Variants in CENPL observed in about 807,000 individuals in gnomAD.
The protein encoded by CENPL is centromere protein L.
Under a neutral mutation model 35.2 loss-of-function variants are expected in CENPL, and 20 were observed. The observed-to-expected ratio is 0.57, with a 90% CI of 0.40 to 0.83. CENPL has a LOEUF of 0.83. CENPL is among the 40% of genes least tolerant of loss of function. The probability of loss-of-function intolerance (pLI) is 0.00; values close to 1 mark genes in which losing one functional copy is unlikely to be tolerated. For synonymous variants in CENPL, 140 were observed against 140.6 expected, an observed-to-expected ratio of 1.00 and a Z score of 0.03; for missense variants, 363 against 395.8, an observed-to-expected ratio of 0.92 and a Z score of 0.70.
intron 2 of CENPL, among the ~76,000 whole-genome samples, chr1:173,816,641 C>G (rs183416477): frequency 2.8e-3 from 421 of 152,278 alleles, no homozygotes; most frequent in Non-Finnish European, 4.2e-3. Context: ...ATGTAGAAAG[C>G]TGAAACTGGA....
intron 2 of CENPL, among the ~76,000 whole-genome samples, chr1:173,820,812 T>A (rs1651875789): frequency 6.6e-6 from 1 of 152,278 alleles, no homozygotes; most frequent in Non-Finnish European, 1.5e-5. Flanking sequence ...TAAAATTTCA[T>A]ACATTTAACA....
At chr1:173,803,581 C>G in intron 4 of CENPL, 76 bp from the exon 5 acceptor site, 1 of 1,330,562 alleles carries the variant, frequency 7.5e-7, no homozygotes, top group Non-Finnish European at 1.0e-6. Flanking sequence ...AAAATTAGTT[C>G]ATTAAAAATA....
chr1:173,810,649 G>A (rs764680305), intron 3 of CENPL, among the ~76,000 whole-genome samples: 12 of 152,208 alleles, frequency 7.9e-5, no homozygotes, highest in South Asian at 2.1e-4. Flanking sequence ...GGCCGGGCGC[G>A]GTGACTCATG....
chr1:173,807,179 TA>T, intron 4 of CENPL, 87 bp downstream of exon 4: 1 of 1,237,518 alleles, frequency 8.1e-7, no homozygotes, highest in South Asian at 2.8e-5. Context: ...AAAAATTTTT[TA>T]AGTTGATTAT....
chr1:173,811,386 T>A, intron 2 of CENPL, 80 bp from the exon 3 acceptor site: 1 of 947,624 alleles, frequency 1.1e-6, no homozygotes, highest in Non-Finnish European at 1.6e-6. Flanking sequence ...TTCCTCACTC[T>A]AAAGGAATCC....
chr1:173,799,641 T>C lies in CENPL; in HGVS notation c.*807A>G, dbSNP rs1264137282. ...ATATTAATGACTAAAAAAATGTGTA[T>C]ATTAATCTTTAGTTCCCTTTTGAGG... On this transcript the variant is annotated 3_prime_UTR_variant, in exon 6 of 6. Transcript: ENST00000682279. The C allele has an allele frequency of 1.3e-5, 2 of 152,236 alleles. No individual in the cohort carries two copies. Among genetic ancestry groups the C allele is most frequent in the Non-Finnish European group, 2.9e-5 (2 of 68,042 alleles). The allele number at this position is 152,236 out of a possible 1,614,324, so 9.4% of individuals were successfully genotyped here.
chr1:173,810,512 A>T (rs1650706892), intron 3 of CENPL, among the ~76,000 whole-genome samples: 1 of 152,142 alleles, frequency 6.6e-6, no homozygotes, highest in Admixed American at 6.6e-5. Context: ...TATACCCCTT[A>T]ACTTAAAATA....
rs1032513794 is a variant in CENPL at position 173,800,350 on chromosome 1, G to A, written c.*98C>T. ...GCATGGTGGGGAAAACAGATGCAGAGATAGATGCCTATTTCTCCTGCAGTC... is the reference window on the plus strand; with the variant it reads ...GCATGGTGGGGAAAACAGATGCAGAAATAGATGCCTATTTCTCCTGCAGTC... On this transcript the variant is annotated 3_prime_UTR_variant, in exon 6 of 6. Transcript: ENST00000682279. The A allele has an allele frequency of 1.7e-6, 1 of 580,300 alleles. No homozygotes were observed. The highest frequency in any genetic ancestry group is 1.9e-5 in the African/African-American group (1 of 52,918). 35.9% of individuals were successfully genotyped at this position (580,300 alleles called of 1,614,324 possible). A position where few individuals can be genotyped will look rare whatever the true frequency, so the allele number is the denominator to read the frequency against.
Position 173,824,539 on chromosome 1 carries a change from C to CG in CENPL, c.-430dup, listed in dbSNP as rs1652360744. 6.5e-6 allele frequency: 1 copy of CG among 153,646 alleles called. No homozygotes were observed. Among genetic ancestry groups the CG allele is most frequent in the South Asian group, 2.0e-4 (1 of 5,074 alleles). 9.5% of individuals were successfully genotyped at this position (153,646 alleles called of 1,614,324 possible). ...TATCGTCAACCTTTCCAATCGTGCT[C>CG]GGTTGCTCCTCAGTTTTCCTACCGG... On this transcript the variant is annotated 5_prime_UTR_variant, in exon 1 of 6. The change creates a premature stop within an existing upstream ORF in the 5' untranslated region. Transcript: ENST00000682279.
chr1:173,820,677 G>A (rs1651858382), intron 2 of CENPL, among the ~76,000 whole-genome samples: 1 of 152,124 alleles, frequency 6.6e-6, no homozygotes, highest in South Asian at 2.1e-4. Context: ...AAACAACTCA[G>A]TGGGTGAATG....
chr1:173,802,903 C>T (rs932178921), intron 5 of CENPL, 60 bp downstream of exon 5: 82 of 1,108,172 alleles, frequency 7.4e-5, no homozygotes, highest in Non-Finnish European at 1.0e-4. Flanking sequence ...ATACAATCAT[C>T]ATACATTTTT....
At chr1:173,801,664 T>C (rs1649763253) in intron 5 of CENPL, among the ~76,000 whole-genome samples, 1 of 150,728 alleles carries the variant, frequency 6.6e-6, no homozygotes. Context: ...CTACTAAAAA[T>C]ACAAAAATAG....
At chr1:173,801,965 G>A (rs1649790123) in intron 5 of CENPL, among the ~76,000 whole-genome samples, 2 of 151,850 alleles carry the variant, frequency 1.3e-5, no homozygotes, top group Admixed American at 1.3e-4. Flanking sequence ...AGAGGTTGTA[G>A]TTAGCTGAGA....
chr1:173,812,114 G>A (rs150336249), intron 2 of CENPL, among the ~76,000 whole-genome samples: 10 of 152,386 alleles, frequency 6.6e-5, no homozygotes, highest in Non-Finnish European at 1.0e-4. Flanking sequence ...TCGTGGTGGG[G>A]AGGGGCGTCC....
intron 4 of CENPL, among the ~76,000 whole-genome samples, chr1:173,806,755 TCAGGTGATCTG>T (rs1168298810): frequency 6.6e-6 from 1 of 152,100 alleles, no homozygotes; most frequent in East Asian, 1.9e-4. Flanking sequence ...ACTCCTAGGC[TCAGGTGATCTG>T]CCCGCCGTAG....
chr1:173,807,383 C>T lies in CENPL; in HGVS notation c.304G>A (p.Glu102Lys). 1 of 1,613,298 alleles carries T rather than the reference C, an allele frequency of 6.2e-7. No individual in the cohort carries two copies. Among genetic ancestry groups the T allele is most frequent in the Non-Finnish European group, 8.5e-7 (1 of 1,179,596 alleles). ...SRLLNAFIVA[E>K]KQKGLAVEVG... ...TCCACAGCAAGTCCTTTTTGCTTTT[C>T]AGCAACAATAAAAGCATTGAGAAGT... Residue 102 changes from glutamate (E) to lysine (K), a missense_variant, in exon 4 of 6, where the codon GAA (glutamate) becomes AAA (lysine). Coordinates refer to ENST00000682279, the MANE Select transcript of CENPL (RefSeq NM_001387287.1).
At chr1:173,806,041 C>T (rs1232075903) in intron 4 of CENPL, among the ~76,000 whole-genome samples, 2 of 152,144 alleles carry the variant, frequency 1.3e-5, no homozygotes, top group Non-Finnish European at 2.9e-5. Flanking sequence ...AACTTCTCAA[C>T]TCTGCTGTTG....
intron 2 of CENPL, chr1:173,822,688 A>G (rs185262199): frequency 3.3e-5 from 5 of 152,184 alleles, no homozygotes; most frequent in Admixed American, 2.6e-4. Context: ...TTCCTTCAAC[A>G]TCACCTTTAC....
At chr1:173,822,875 C>G (rs1303479544) in intron 2 of CENPL, 1 of 152,376 alleles carries the variant, frequency 6.6e-6, no homozygotes, top group Non-Finnish European at 1.5e-5. Flanking sequence ...GTAGCTGGGA[C>G]TACAGGTATG....
Sources: allele counts gnomAD v4.1 joint callset (sites outside exome capture counted in the v4.1 genomes callset), GRCh38; gene constraint gnomAD v4.1.1; transcripts MANE v1.5; gene names NCBI Gene and HGNC (gene_info 2026-07-23, HGNC 2026-07-21).